GPC6: variants seen among roughly 807,000 people sequenced by gnomAD.
GPC6 encodes the protein glypican-6.
Under a neutral mutation model 55.2 loss-of-function variants are expected in GPC6, and 14 were observed. The observed-to-expected ratio is 0.25, with a 90% CI of 0.17 to 0.40. The LOEUF (loss-of-function observed/expected upper bound fraction) is 0.40. GPC6 is among the 10% of genes least tolerant of loss of function. The pLI, the probability that GPC6 is intolerant of heterozygous loss-of-function variation, is 1.00. For synonymous variants in GPC6, 278 were observed against 259.6 expected (o/e 1.07, Z -0.68); for missense variants, 641 against 708.5 (o/e 0.90, Z 1.08).
At chr13:93,823,085 G>A (rs1206992092) in intron 2 of GPC6, among the ~76,000 whole-genome samples, 5 of 151,700 alleles carry the variant, frequency 3.3e-5, no homozygotes, top group African/African-American at 7.3e-5. Flanking sequence ...GGACGGTCTC[G>A]ATCTCCTGGC....
chr13:93,662,827 C>G (rs1439895177), intron 2 of GPC6, among the ~76,000 whole-genome samples: 1 of 151,624 alleles, frequency 6.6e-6, no homozygotes, highest in Non-Finnish European at 1.5e-5. Flanking sequence ...CCAGGATAAT[C>G]AATGAAATAG....
At chr13:93,363,212 C>T (rs1259496034) in intron 1 of GPC6, among the ~76,000 whole-genome samples, 1 of 148,360 alleles carries the variant, frequency 6.7e-6, no homozygotes, top group Non-Finnish European at 1.5e-5. Flanking sequence ...TATACATGTG[C>T]CATGCTGGTG....
chr13:93,526,168 A>G (rs1243596065), intron 1 of GPC6, among the ~76,000 whole-genome samples: 1 of 152,082 alleles, frequency 6.6e-6, no homozygotes, highest in Non-Finnish European at 1.5e-5. Context: ...CCTAGAACCT[A>G]AGTCCACTTT....
intron 2 of GPC6, among the ~76,000 whole-genome samples, chr13:93,552,659 G>A (rs765906404): frequency 6.6e-6 from 1 of 152,124 alleles, no homozygotes; most frequent in Non-Finnish European, 1.5e-5. Context: ...CTCCCAGTGT[G>A]GTTGTAATAT....
intron 3 of GPC6, among the ~76,000 whole-genome samples, chr13:93,854,130 T>G (rs1594526012): frequency 6.6e-6 from 1 of 151,750 alleles, no homozygotes; most frequent in East Asian, 1.9e-4. Flanking sequence ...TACCATAATC[T>G]GCCTACTCAG....
intron 4 of GPC6, among the ~76,000 whole-genome samples, chr13:94,161,018 C>T (rs376121484): frequency 4.8e-4 from 73 of 152,310 alleles, no homozygotes; most frequent in Middle Eastern, 3.4e-3. Context: ...TGCCTGCCCC[C>T]ACAGAGCTGT....
At chr13:93,228,584 G>A (rs190186914) in intron 1 of GPC6, among the ~76,000 whole-genome samples, 2 of 152,146 alleles carry the variant, frequency 1.3e-5, no homozygotes, top group South Asian at 4.1e-4. Flanking sequence ...AGCTCCAACC[G>A]AATCCGAGCT....
At chr13:93,367,345 T>A (rs1881288348) in intron 1 of GPC6, among the ~76,000 whole-genome samples, 1 of 152,138 alleles carries the variant, frequency 6.6e-6, no homozygotes, top group African/African-American at 2.4e-5. Flanking sequence ...CCTCTTTTTA[T>A]CATTGTTAGC....
chr13:93,413,573 G>A (rs72639102), intron 1 of GPC6, among the ~76,000 whole-genome samples: 9,270 of 143,926 alleles, frequency 0.064, 359 homozygotes, highest in Non-Finnish European at 0.08. Context: ...TTTTTTTTCC[G>A]GAAGAGATGA....
chr13:93,602,905 C>T (rs1257189584), intron 2 of GPC6, among the ~76,000 whole-genome samples: 1 of 152,186 alleles, frequency 6.6e-6, no homozygotes, highest in Admixed American at 6.5e-5. Flanking sequence ...CCAGCTAAGT[C>T]CATGCAAACA....
chr13:93,709,562 C>T (rs534709194), intron 2 of GPC6, among the ~76,000 whole-genome samples: 2 of 151,914 alleles, frequency 1.3e-5, no homozygotes, highest in East Asian at 3.9e-4. Context: ...ATTCTGAAAA[C>T]ATCCTTTCTT....
At chr13:93,902,454 A>AT (rs1274426442) in intron 3 of GPC6, among the ~76,000 whole-genome samples, 1 of 152,080 alleles carries the variant, frequency 6.6e-6, no homozygotes, top group African/African-American at 2.4e-5. Context: ...TCATTCATCC[A>AT]TTGGTGGACA....
At chr13:93,485,887 T>C (rs1217663389) in intron 1 of GPC6, among the ~76,000 whole-genome samples, 1 of 152,188 alleles carries the variant, frequency 6.6e-6, no homozygotes, top group Admixed American at 6.5e-5. Flanking sequence ...GGAATGGAAT[T>C]CAGACTTAAG....
intron 1 of GPC6, among the ~76,000 whole-genome samples, chr13:93,379,713 C>T (rs1051058617): frequency 3.3e-5 from 5 of 152,112 alleles, no homozygotes; most frequent in Admixed American, 6.5e-5. Flanking sequence ...TGGATTGTCT[C>T]GTTCGTTCAG....
intron 4 of GPC6, among the ~76,000 whole-genome samples, chr13:94,092,947 G>T (rs1316346281): frequency 4.0e-5 from 6 of 151,688 alleles, no homozygotes; most frequent in Admixed American, 3.9e-4. Flanking sequence ...TCCATTTTTT[G>T]CCCATTTTTA....
chr13:93,553,485 G>T (rs1875273675), intron 2 of GPC6, among the ~76,000 whole-genome samples: 1 of 151,892 alleles, frequency 6.6e-6, no homozygotes, highest in African/African-American at 2.4e-5. Context: ...AAGGCCAGGA[G>T]TTCAAGACCA....
intron 2 of GPC6, among the ~76,000 whole-genome samples, chr13:93,552,699 A>T (rs984983532): frequency 2.6e-5 from 4 of 152,124 alleles, no homozygotes; most frequent in African/African-American, 9.7e-5. Flanking sequence ...ATTCCCTTGC[A>T]TGGTGGCTTT....
chr13:94,157,154 T>C (rs533288561), intron 4 of GPC6, among the ~76,000 whole-genome samples: 2 of 152,260 alleles, frequency 1.3e-5, no homozygotes, highest in African/African-American at 4.8e-5. Flanking sequence ...ATGTATGGCT[T>C]TGGGCAAGGT....
At chr13:93,371,785 A>G (rs1282966446) in intron 1 of GPC6, among the ~76,000 whole-genome samples, 4 of 152,126 alleles carry the variant, frequency 2.6e-5, no homozygotes, top group African/African-American at 9.7e-5. Flanking sequence ...GACCTTAAAA[A>G]AAACAAAAGC....
Sources: allele counts gnomAD v4.1 joint callset (sites outside exome capture counted in the v4.1 genomes callset), GRCh38; gene constraint gnomAD v4.1.1; transcripts MANE v1.5; gene names NCBI Gene and HGNC (gene_info 2026-07-23, HGNC 2026-07-21).